MROH1: variants seen among roughly 807,000 people sequenced by gnomAD.
The protein encoded by MROH1 is maestro heat-like repeat-containing protein family member 1.
Under a neutral mutation model 116.5 loss-of-function variants are expected in MROH1, and 117 were observed. The observed-to-expected ratio is 1.00, with a 90% CI of 0.86 to 1.17. The LOEUF is 1.17. MROH1 is among the 50% of genes most tolerant of loss of function. MROH1 has a pLI of 0.00. For missense variants in MROH1, 1,873 were observed against 1,338.5 expected (o/e 1.40, Z -6.23); for synonymous variants, 921 against 583.9 (o/e 1.58, Z -8.32).
At chr8:144,199,454 A>G (rs1830624835) in intron 11 of MROH1, among the ~76,000 whole-genome samples, 1 of 152,006 alleles carries the variant, frequency 6.6e-6, no homozygotes, top group African/African-American at 2.4e-5. Context: ...GCCTCCACTC[A>G]CCGTCCAGTC....
intron 35 of MROH1, among the ~76,000 whole-genome samples, chr8:144,257,633 C>T (rs1844138346): frequency 6.6e-6 from 1 of 152,198 alleles, no homozygotes; most frequent in Non-Finnish European, 1.5e-5. Context: ...ACACACCATC[C>T]AGGCGAGTAG....
chr8:144,243,795 CAGAGCTTGACCAGGGAGG>C (rs1841413782), intron 25 of MROH1, 50 bp from the exon 26 acceptor site: 2 of 745,586 alleles, frequency 2.7e-6, no homozygotes, highest in Non-Finnish European at 5.0e-6. Flanking sequence ...GGCTGGGGGA[CAGAGCTTGACCAGGGAGG>C]AGAGCTGGCG....
chr8:144,255,076 C>T, intron 34 of MROH1, 98 bp downstream of exon 34: 1 of 642,730 alleles, frequency 1.6e-6, no homozygotes, highest in Non-Finnish European at 2.8e-6. Flanking sequence ...CCGGACGCCA[C>T]CCCACAGGCA....
intron 14 of MROH1, among the ~76,000 whole-genome samples, chr8:144,230,682 CT>C: frequency 6.6e-6 from 1 of 150,450 alleles, no homozygotes; most frequent in Non-Finnish European, 1.5e-5. Flanking sequence ...GTTCCCTCCT[CT>C]TTAATTTTTT....
chr8:144,255,488 C>G (rs984675217), intron 34 of MROH1, 21 bp from the exon 35 acceptor site: 3 of 777,650 alleles, frequency 3.9e-6, no homozygotes, highest in African/African-American at 3.4e-5. Flanking sequence ...AGGCATGGCC[C>G]TGTGATGACT....
At position 144,180,764 on chromosome 8, in the gene MROH1, A is replaced by C. The variant is rs1014002613; in HGVS notation, c.562+241A>C. On this transcript the variant is annotated intron_variant, in intron 7 of 43. Transcript: ENST00000326134. This position sits in a 1 kb window ranked among gnomAD's most constrained non-coding sequence, Gnocchi z 7.4. The stretch of plus-strand genomic sequence containing the variant: ...GCCCCCCACCTTACATTGTGGGTCC[A>C]CTGAGGGCTGGACGTGCCTGGGGGG... Among the ~76,000 whole-genome samples the C allele has an allele frequency of 6.6e-5, 10 of 152,042 alleles. No homozygotes were observed. The highest frequency in any genetic ancestry group is 1.3e-4 in the Non-Finnish European group (9 of 67,978).
rs150569644 is a variant in MROH1 at position 144,174,130 on chromosome 8, A to T, written c.169-5325A>T. On this transcript the variant is annotated intron_variant, in intron 4 of 43. Coordinates refer to ENST00000326134, the MANE Select transcript of MROH1 (RefSeq NM_032450.3). ...CAAAAGAGGTTAAAGTGAAGACACC[A>T]CTCAAAGGTGGGCGTGATGGTATAG... 7.9e-5 allele frequency among the ~76,000 whole-genome samples: 12 copies of T among 152,220 alleles called. No individual in the cohort carries two copies. In the East Asian group the frequency reaches 2.3e-3, roughly 29 times the overall value.
rs1844970467 is a variant in MROH1, at chr8:144,261,149, G to T, written c.4707G>T (p.Leu1569=). ...HHFPDLLGRL[L]TTCLFYFKSS... ...TCCCAGACCTGCTGGGCCGTCTCCT[G>T]ACCACCTGCCTGTTCTACTTCAAGA... The change falls in exon 42 of 44, where the codon CTG becomes CTT. Residue 1569 remains leucine (L), a synonymous_variant. Coordinates refer to ENST00000326134, the MANE Select transcript of MROH1 (RefSeq NM_032450.3). The T allele has an allele frequency of 1.3e-6, 1 of 772,756 alleles. No homozygotes were observed. The highest frequency in any genetic ancestry group is 2.4e-6 in the Non-Finnish European group (1 of 417,672). The allele number at this position is 772,756 out of a possible 1,614,324, so 47.9% of individuals were successfully genotyped here. A position where few individuals can be genotyped will look rare whatever the true frequency, so the allele number is the denominator to read the frequency against.
intron 14 of MROH1, among the ~76,000 whole-genome samples, chr8:144,234,134 C>T (rs966757711): frequency 1.4e-4 from 22 of 152,148 alleles, no homozygotes; most frequent in African/African-American, 5.3e-4. Context: ...CTCAGCCTCC[C>T]GAGCAGCTGG....
intron 14 of MROH1, among the ~76,000 whole-genome samples, chr8:144,234,111 G>A (rs1284453384): frequency 6.6e-6 from 1 of 152,112 alleles, no homozygotes; most frequent in Non-Finnish European, 1.5e-5. Context: ...CCGGGTTCAC[G>A]CCATTCTCCT....
chr8:144,162,089 T>C lies in MROH1; in HGVS notation c.-57+1000T>C, dbSNP rs1484103428. On this transcript the variant is annotated intron_variant, in intron 2 of 43. Transcript: ENST00000326134. ...TGTTTTTTTGTTTTTCTTTTCTTTT[T>C]TTTTTTTTTTTTTAAGACAGAGTCT... Among the ~76,000 whole-genome samples, 37 of 150,844 alleles carry C rather than the reference T, an allele frequency of 2.5e-4. 3 individuals carry two copies. Among genetic ancestry groups the C allele is most frequent in the Admixed American group, 7.9e-4 (12 of 15,136 alleles).
intron 35 of MROH1, among the ~76,000 whole-genome samples, chr8:144,256,466 C>CCCTTGGCCAGGACACACCAGGGGG (rs1843824382): frequency 6.6e-6 from 1 of 152,180 alleles, no homozygotes; most frequent in East Asian, 1.9e-4. Context: ...CCCCCTGCCC[C>CCCTTGGCCAGGACACACCAGGGGG]AGCACCACAG....
chr8:144,202,279 G>GCA (rs1831352571), intron 12 of MROH1, among the ~76,000 whole-genome samples: 2 of 150,788 alleles, frequency 1.3e-5, no homozygotes, highest in Admixed American at 6.6e-5. Flanking sequence ...GGAGGGGAGA[G>GCA]CCCGCTCTCT....
At chr8:144,247,914 G>T (rs1412425423) in intron 31 of MROH1, among the ~76,000 whole-genome samples, 2 of 152,258 alleles carry the variant, frequency 1.3e-5, no homozygotes, top group Non-Finnish European at 2.9e-5. Context: ...GGTGCTATTT[G>T]TCTTGAGACC....
At chr8:144,151,551 T>C (rs955373683) in intron 1 of MROH1, among the ~76,000 whole-genome samples, 72 of 152,264 alleles carry the variant, frequency 4.7e-4, no homozygotes, top group African/African-American at 1.7e-3. Context: ...TTCCACTCAA[T>C]AGAACTTTAC....
At chr8:144,176,326 T>C (rs1466904606) in intron 4 of MROH1, among the ~76,000 whole-genome samples, 2 of 150,750 alleles carry the variant, frequency 1.3e-5, no homozygotes, top group Non-Finnish European at 3.0e-5. Context: ...TGAGCTGAGA[T>C]TGTGCCACAG....
Position 144,250,480 on chromosome 8 carries a change from CA to C in MROH1, c.3428+115del. On this transcript the variant is annotated intron_variant, in intron 33 of 43. Coordinates refer to ENST00000326134, the MANE Select transcript of MROH1 (RefSeq NM_032450.3). ...CACCCCGACTTTCTGCATGAGTTCC[CA>C]TGGCTGTAGGCCACGTGGGACAGAA... 4.3e-6 allele frequency: 3 copies of C among 700,258 alleles called. No individual in the cohort carries two copies. The South Asian group carries it at 4.5e-5, about 10-fold the overall frequency. The allele number at this position is 700,258 out of a possible 1,614,324, so 43.4% of individuals were successfully genotyped here.
chr8:144,228,003 A>G (rs1838130722), intron 14 of MROH1, among the ~76,000 whole-genome samples: 2 of 152,074 alleles, frequency 1.3e-5, no homozygotes, highest in South Asian at 4.1e-4. Context: ...AGGCTGGGGC[A>G]GGAAAATCGT....
chr8:144,223,243 C>T lies in MROH1; in HGVS notation c.1338+13C>T, dbSNP rs1480404172. 2 of 1,588,726 alleles carry T rather than the reference C, an allele frequency of 1.3e-6. No homozygotes were observed. Among genetic ancestry groups the T allele is most frequent in the East Asian group, 4.6e-5 (2 of 43,560 alleles). On this transcript the variant is annotated intron_variant, in intron 14 of 43. Coordinates refer to ENST00000326134, the MANE Select transcript of MROH1 (RefSeq NM_032450.3). ...CCCCGAGCAGGAGGTAAGGGGCTGCCACCTTGCCTGCCTCCTAGGCCCACG... is the reference window on the plus strand; with the variant it reads ...CCCCGAGCAGGAGGTAAGGGGCTGCTACCTTGCCTGCCTCCTAGGCCCACG...
Sources: gnomAD v4.1 joint callset for allele counts (sites outside exome capture counted in the v4.1 genomes callset) on GRCh38, gnomAD v4.1.1 for gene constraint, Gnocchi (gnomAD v3.1) non-coding constraint, MANE v1.5 for transcripts, NCBI Gene and HGNC (gene_info 2026-07-23, HGNC 2026-07-21) for gene names.